The following RAB3C variants were observed in gnomAD, a reference collection of about 807,000 sequenced individuals.
RAB3C encodes RAB3C, member RAS oncogene family.
Under a neutral mutation model 26.4 loss-of-function variants are expected in RAB3C, and 17 were observed. The observed-to-expected ratio is 0.64, with a 90% confidence interval of 0.44 to 0.97. The LOEUF (loss-of-function observed/expected upper bound fraction) is 0.97. Among genes scored for constraint, RAB3C ranks in the 50% least tolerant of loss-of-function variants. The probability of loss-of-function intolerance (pLI) is 0.00; values close to 1 mark genes in which losing one functional copy is unlikely to be tolerated. For missense variants in RAB3C, 242 were observed against 281.9 expected (o/e 0.86, Z 1.01); for synonymous variants, 91 against 95.9 (o/e 0.95, Z 0.30).
chr5:58,839,905 T>A (rs1309733700), intron 4 of RAB3C, among the ~76,000 whole-genome samples: 2 of 151,342 alleles, frequency 1.3e-5, no homozygotes, highest in Non-Finnish European at 2.9e-5. Flanking sequence ...TATTTGTGGT[T>A]GGGAGGTTTT....
intron 3 of RAB3C, among the ~76,000 whole-genome samples, chr5:58,773,478 A>C (rs1231170705): frequency 6.6e-6 from 1 of 152,136 alleles, no homozygotes; most frequent in Non-Finnish European, 1.5e-5. Context: ...TGTCTAACGG[A>C]TAGCAAAGAG....
At chr5:58,731,373 T>C (rs1450027682) in intron 3 of RAB3C, among the ~76,000 whole-genome samples, 1 of 152,150 alleles carries the variant, frequency 6.6e-6, no homozygotes, top group Non-Finnish European at 1.5e-5. Context: ...GTAGAATCTA[T>C]AAATTTTCAA....
intron 2 of RAB3C, among the ~76,000 whole-genome samples, chr5:58,678,499 G>T (rs971767799): frequency 6.6e-6 from 1 of 152,036 alleles, no homozygotes; most frequent in African/African-American, 2.4e-5. Flanking sequence ...CATCAGGAAA[G>T]TCATTAGAAA....
chr5:58,829,361 A>G (rs2675368), intron 4 of RAB3C, among the ~76,000 whole-genome samples: 83,348 of 151,940 alleles, frequency 0.55, 23,341 homozygotes, highest in Middle Eastern at 0.71. Context: ...ATGAGAAAAA[A>G]ATTTGGAGAT....
At chr5:58,795,910 A>AT (rs1392778435) in intron 3 of RAB3C, among the ~76,000 whole-genome samples, 2 of 152,152 alleles carry the variant, frequency 1.3e-5, no homozygotes, top group Non-Finnish European at 2.9e-5. Flanking sequence ...AATAGAGTGA[A>AT]ACATGGTTAA....
intron 3 of RAB3C, among the ~76,000 whole-genome samples, chr5:58,793,846 AT>A (rs1742583363): frequency 6.6e-6 from 1 of 152,196 alleles, no homozygotes; most frequent in South Asian, 2.1e-4. Context: ...TGCTTGTAAT[AT>A]TCCACTTCAA....
rs1740895613 is a variant in RAB3C, at chr5:58,726,561, C to T, written c.371+441C>T. ...CTGTTGTCTTTGACTGCCTTAACAC[C>T]ACCACAGCAGAGTTAAGTAGTTGCA... is the stretch of plus-strand genomic sequence containing the variant. On this transcript the variant is annotated intron_variant, in intron 3 of 4. Coordinates refer to ENST00000282878, the MANE Select transcript of RAB3C (RefSeq NM_138453.4). Among the ~76,000 whole-genome samples, 12 of 151,962 alleles carry T rather than the reference C, an allele frequency of 7.9e-5. No homozygotes were observed. In the South Asian group the frequency reaches 2.5e-3, roughly 32 times the overall value.
chr5:58,719,392 T>C (rs1362868448), intron 2 of RAB3C, among the ~76,000 whole-genome samples: 1 of 152,036 alleles, frequency 6.6e-6, no homozygotes, highest in Non-Finnish European at 1.5e-5. Flanking sequence ...GTCTGACTTC[T>C]CCATAGACCA....
intron 3 of RAB3C, among the ~76,000 whole-genome samples, chr5:58,753,225 G>A (rs1161329188): frequency 6.6e-6 from 1 of 152,112 alleles, no homozygotes; most frequent in South Asian, 2.1e-4. Context: ...GGAAATTAAT[G>A]GGGATTATCA....
rs1052200542 is a variant in RAB3C, at chr5:58,644,493, G to A, written c.252+26623G>A. 56 of 152,182 alleles carry A rather than the reference G, an allele frequency of 3.7e-4. 1 individual carries two copies. Among genetic ancestry groups the A allele is most frequent in the African/African-American group, 1.3e-3 (54 of 41,524 alleles). The allele number at this position is 152,182 out of a possible 1,614,324, so 9.4% of individuals were successfully genotyped here. On this transcript the variant is annotated intron_variant, in intron 2 of 4. Coordinates refer to ENST00000282878, the MANE Select transcript of RAB3C (RefSeq NM_138453.4). ...TATGATATCTGAGACATCAGGCACC[G>A]GGAGAAAAAGCCAGTCACTTTTAAG...
chr5:58,716,625 T>C (rs1000920356), intron 2 of RAB3C, among the ~76,000 whole-genome samples: 4 of 152,086 alleles, frequency 2.6e-5, no homozygotes, highest in African/African-American at 9.7e-5. Context: ...ACATTCTTGA[T>C]GTTGTTTTTA....
In RAB3C at chr5:58,829,277, T is replaced by G. The variant is rs529516576; in HGVS notation, c.496+4115T>G. 5.9e-5 allele frequency among the ~76,000 whole-genome samples: 9 copies of G among 152,326 alleles called. No homozygotes were observed. In the South Asian group the frequency reaches 1.9e-3, roughly 32 times the overall value. The stretch of plus-strand genomic sequence containing the variant: ...TATAAGAATGTTTTTAAATTCTATA[T>G]TAAATTTATAGTATGGTACTTATAT... On this transcript the variant is annotated intron_variant, in intron 4 of 4. Coordinates refer to ENST00000282878, the MANE Select transcript of RAB3C (RefSeq NM_138453.4).
intron 3 of RAB3C, among the ~76,000 whole-genome samples, chr5:58,822,004 T>TC (rs11444258): frequency 5.5e-4 from 83 of 152,212 alleles, no homozygotes; most frequent in South Asian, 1.5e-3. Flanking sequence ...CTGTTTTTTT[T>TC]CAAACTTTAA....
At chr5:58,674,750 G>A (rs1448775299) in intron 2 of RAB3C, among the ~76,000 whole-genome samples, 3 of 152,042 alleles carry the variant, frequency 2.0e-5, no homozygotes, top group Non-Finnish European at 4.4e-5. Flanking sequence ...GAAAGTGCAC[G>A]GAAAACTTTA....
At position 58,686,935 on chromosome 5, in the gene RAB3C, A is replaced by T. The variant is rs185393751; in HGVS notation, c.253-39067A>T. The stretch of plus-strand genomic sequence containing the variant: ...CTCTCCAGCAACGTTACCAACTTTG[A>T]TACAAGCCCAGTTACCCTCCAAATA... On this transcript the variant is annotated intron_variant, in intron 2 of 4. Coordinates refer to ENST00000282878, the MANE Select transcript of RAB3C (RefSeq NM_138453.4). Among the ~76,000 whole-genome samples the T allele has an allele frequency of 2.2e-4, 33 of 152,184 alleles. No homozygotes were observed. In the East Asian group the frequency reaches 6.2e-3, roughly 28 times the overall value.
chr5:58,761,844 T>C (rs1233120066), intron 3 of RAB3C, among the ~76,000 whole-genome samples: 1 of 152,216 alleles, frequency 6.6e-6, no homozygotes, highest in Non-Finnish European at 1.5e-5. Flanking sequence ...TTGTATGAAT[T>C]CCCAGGTACC....
chr5:58,807,200 G>A (rs781385344), intron 3 of RAB3C, among the ~76,000 whole-genome samples: 6 of 152,154 alleles, frequency 3.9e-5, no homozygotes, highest in Non-Finnish European at 7.3e-5. Flanking sequence ...AAAGCAGCAG[G>A]CAGCATATCA....
intron 1 of RAB3C, among the ~76,000 whole-genome samples, chr5:58,613,089 A>G (rs965016939): frequency 2.6e-4 from 40 of 152,258 alleles, no homozygotes; most frequent in East Asian, 2.3e-3. Flanking sequence ...ACAAATGTGA[A>G]CAACTCTGAA....
intron 3 of RAB3C, among the ~76,000 whole-genome samples, chr5:58,778,425 T>G (rs1742197203): frequency 6.6e-6 from 1 of 152,176 alleles, no homozygotes; most frequent in African/African-American, 2.4e-5. Context: ...TGGTTGTTTC[T>G]TCCACTTCAT....
Sources: gnomAD v4.1 joint callset for allele counts (sites outside exome capture counted in the v4.1 genomes callset) on GRCh38, gnomAD v4.1.1 for gene constraint, MANE v1.5 for transcripts, NCBI Gene and HGNC (gene_info 2026-07-23, HGNC 2026-07-21) for gene names.